The following SDK2 variants were observed in gnomAD, a reference collection of about 807,000 sequenced individuals.
SDK2 encodes the protein sidekick cell adhesion molecule 2.
In SDK2, 105 loss-of-function variants were observed where a neutral mutation model predicts 253.9. The ratio of observed to expected loss-of-function variants is 0.41; its 90% CI spans 0.35 to 0.49. The LOEUF is 0.49. Ranked by LOEUF, SDK2 falls within the 20% of genes least tolerant of loss-of-function variation. The pLI, the probability that SDK2 is intolerant of heterozygous loss-of-function variation, is 0.06. For synonymous variants in SDK2, 1,249 were observed against 1,234.9 expected, an observed-to-expected ratio of 1.01 and a Z score of -0.24; for missense variants, 2,608 against 3,003.0, an observed-to-expected ratio of 0.87 and a Z score of 3.07.
intron 4 of SDK2, among the ~76,000 whole-genome samples, chr17:73,454,766 C>G (rs905317540): frequency 6.6e-6 from 1 of 152,126 alleles, no homozygotes; most frequent in Non-Finnish European, 1.5e-5. Context: ...TGCAGTGGCC[C>G]GATCTCGGCT....
At chr17:73,429,126 G>A (rs1026992127) in intron 12 of SDK2, among the ~76,000 whole-genome samples, 2 of 146,784 alleles carry the variant, frequency 1.4e-5, no homozygotes, top group Non-Finnish European at 2.9e-5. Context: ...TATAAATAAA[G>A]TCTGATTTAA....
At chr17:73,521,757 A>G (rs2064081651) in intron 1 of SDK2, among the ~76,000 whole-genome samples, 1 of 142,996 alleles carries the variant, frequency 7.0e-6, no homozygotes, top group Non-Finnish European at 1.6e-5. Flanking sequence ...ACTGCTCGAG[A>G]CAGAGTCAAC....
At chr17:73,374,406 C>T (rs1174868575) in intron 36 of SDK2, among the ~76,000 whole-genome samples, 4 of 144,194 alleles carry the variant, frequency 2.8e-5, no homozygotes, top group Admixed American at 7.0e-5. Context: ...CTCCATCATC[C>T]TGTGGACCCT....
intron 18 of SDK2, among the ~76,000 whole-genome samples, chr17:73,412,051 TAC>T (rs2063137293): frequency 2.5e-4 from 1 of 4,026 alleles, no homozygotes; most frequent in South Asian, 0.01. Flanking sequence ...TATATGTATA[TAC>T]GTATATGTAT....
rs2063430676 is a variant in SDK2 at position 73,443,427 on chromosome 17, G to A, written c.614-2504C>T. 6.6e-6 allele frequency among the ~76,000 whole-genome samples: 1 copy of A among 152,246 alleles called. No individual in the cohort carries two copies. The highest frequency in any genetic ancestry group is 1.5e-5 in the Non-Finnish European group (1 of 68,050). ...TGCTCTAAGTTGTTTATTACATGCG[G>A]GGGCGCGCAGGTACCACGGCTCAGA... On this transcript the variant is annotated intron_variant, in intron 5 of 44. Coordinates refer to ENST00000392650, the MANE Select transcript of SDK2 (RefSeq NM_001144952.2). The surrounding 1 kb of genome is among the most constrained non-coding windows in gnomAD (Gnocchi z 4.6).
Position 73,570,233 on chromosome 17 carries a change from G to A in SDK2, c.65-62636C>T, listed in dbSNP as rs1235523321. ...CCCTGTTTACACCCCTGCCTCCTAAGCACAGCCCGGCCTCAACATGCATCT... is the reference window on the plus strand; with the variant it reads ...CCCTGTTTACACCCCTGCCTCCTAAACACAGCCCGGCCTCAACATGCATCT... On this transcript the variant is annotated intron_variant, in intron 1 of 44. Transcript: ENST00000392650. The surrounding 1 kb of genome is among the most constrained non-coding windows in gnomAD (Gnocchi z 4.2). 1.8e-5 allele frequency among the ~76,000 whole-genome samples: 2 copies of A among 108,922 alleles called. No individual in the cohort carries two copies. The highest frequency in any genetic ancestry group is 3.6e-5 in the African/African-American group (1 of 27,512). 71.5% of individuals were successfully genotyped at this position (108,922 alleles called of 152,430 possible).
intron 1 of SDK2, among the ~76,000 whole-genome samples, chr17:73,563,258 T>C (rs1203740467): frequency 6.6e-6 from 1 of 152,164 alleles, no homozygotes; most frequent in Non-Finnish European, 1.5e-5. Flanking sequence ...ATAGCTCAAA[T>C]ATCTTAGGGA....
chr17:73,410,803 G>T (rs886465999), intron 18 of SDK2, among the ~76,000 whole-genome samples: 4 of 152,196 alleles, frequency 2.6e-5, no homozygotes, highest in Admixed American at 1.3e-4. Flanking sequence ...AGTAGCTACT[G>T]GGGGCTGGGC....
chr17:73,624,593 A>C (rs149016089), intron 1 of SDK2, among the ~76,000 whole-genome samples: 1 of 152,374 alleles, frequency 6.6e-6, no homozygotes, highest in Non-Finnish European at 1.5e-5. Context: ...AGTGCTTCCC[A>C]GAATTTAATG....
intron 36 of SDK2, among the ~76,000 whole-genome samples, chr17:73,376,771 G>A (rs2062785382): frequency 6.6e-6 from 1 of 152,132 alleles, no homozygotes; most frequent in African/African-American, 2.4e-5. Flanking sequence ...ATGCTAGGGG[G>A]GCAATATTTA....
At chr17:73,462,165 A>G (rs2063567570) in intron 3 of SDK2, among the ~76,000 whole-genome samples, 1 of 151,910 alleles carries the variant, frequency 6.6e-6, no homozygotes. Flanking sequence ...GTATGTTTAC[A>G]TATATGTGTA....
chr17:73,553,668 C>A (rs1048082461), intron 1 of SDK2, among the ~76,000 whole-genome samples: 1 of 152,146 alleles, frequency 6.6e-6, no homozygotes, highest in Non-Finnish European at 1.5e-5. Context: ...CTCGGGCCTA[C>A]ACCTCCTGCA....
chr17:73,435,447 T>C lies in SDK2; in HGVS notation c.1195+3A>G, dbSNP rs751493863. The C allele has an allele frequency of 1.3e-6, 2 of 1,586,626 alleles. No individual in the cohort carries two copies. The highest frequency in any genetic ancestry group is 1.7e-6 in the Non-Finnish European group (2 of 1,165,668). On this transcript the variant is annotated splice_donor_region_variant and intron_variant, in intron 9 of 44. Transcript: ENST00000392650. The surrounding 1 kb of genome is among the most constrained non-coding windows in gnomAD (Gnocchi z 5.7). Reference sequence around the variant, plus strand: ...GGGCAGCACAAGGGAAGGCCCAACTTACTGGTGACAGCCAGGTAGGTGGAA... The same window carrying C: ...GGGCAGCACAAGGGAAGGCCCAACTCACTGGTGACAGCCAGGTAGGTGGAA...
intron 1 of SDK2, among the ~76,000 whole-genome samples, chr17:73,577,448 C>T (rs752930392): frequency 1.1e-4 from 16 of 152,152 alleles, no homozygotes; most frequent in African/African-American, 2.7e-4. Flanking sequence ...CTCAAGAAGC[C>T]GTAAGTTCAG....
At chr17:73,626,579 T>A (rs770013124) in intron 1 of SDK2, among the ~76,000 whole-genome samples, 1 of 152,144 alleles carries the variant, frequency 6.6e-6, no homozygotes, top group Non-Finnish European at 1.5e-5. Flanking sequence ...CCCCCACCAC[T>A]GGTTACTCAG....
intron 1 of SDK2, among the ~76,000 whole-genome samples, chr17:73,588,065 G>C (rs1373687489): frequency 1.3e-5 from 2 of 152,090 alleles, no homozygotes; most frequent in Non-Finnish European, 2.9e-5. Flanking sequence ...AGCAGCACCT[G>C]GAAGCTTGTA....
intron 44 of SDK2, among the ~76,000 whole-genome samples, chr17:73,347,864 C>T (rs993036302): frequency 6.6e-6 from 1 of 152,190 alleles, no homozygotes; most frequent in Non-Finnish European, 1.5e-5. Context: ...GAGGCACCGA[C>T]CCCCTCTTCA....
Position 73,570,526 on chromosome 17 carries a change from C to CGGTGAT in SDK2, c.65-62935_65-62930dup, listed in dbSNP as rs1234136015. ...CCCAGCACCCCTCTTGTGATGATGG[C>CGGTGAT]GGTGATGGTGATGGTGAGGCTGATG... is the stretch of plus-strand genomic sequence containing the variant. On this transcript the variant is annotated intron_variant, in intron 1 of 44. Coordinates refer to ENST00000392650, the MANE Select transcript of SDK2 (RefSeq NM_001144952.2). The surrounding 1 kb of genome is among the most constrained non-coding windows in gnomAD (Gnocchi z 4.2). Among the ~76,000 whole-genome samples, 1 of 152,118 alleles carries CGGTGAT rather than the reference C, an allele frequency of 6.6e-6. No individual in the cohort carries two copies. Among genetic ancestry groups the CGGTGAT allele is most frequent in the Non-Finnish European group, 1.5e-5 (1 of 68,028 alleles).
intron 1 of SDK2, among the ~76,000 whole-genome samples, chr17:73,545,944 A>G (rs1313327551): frequency 1.3e-5 from 2 of 152,184 alleles, no homozygotes; most frequent in Non-Finnish European, 2.9e-5. Flanking sequence ...TGGAACAGGT[A>G]GGCTGTAGAG....
Sources: allele counts gnomAD v4.1 joint callset (sites outside exome capture counted in the v4.1 genomes callset), GRCh38; gene constraint gnomAD v4.1.1; non-coding constraint Gnocchi (gnomAD v3.1); transcripts MANE v1.5; gene names NCBI Gene and HGNC (gene_info 2026-07-23, HGNC 2026-07-21).